The following GPR158 variants were observed in gnomAD, a reference collection of about 807,000 sequenced individuals.
GPR158 encodes G protein-coupled receptor 158, also known as metabotropic glycine receptor.
GPR158 carries 30 observed loss-of-function variants against 78.2 expected under a neutral mutation model. The observed-to-expected ratio is 0.38, with a 90% CI of 0.29 to 0.52. The LOEUF (loss-of-function observed/expected upper bound fraction) is 0.52. GPR158 is among the 20% of genes least tolerant of loss of function. The pLI is 0.83. For synonymous variants in GPR158, 581 were observed against 591.1 expected (o/e 0.98, Z 0.25); for missense variants, 1,463 against 1,523.5 (o/e 0.96, Z 0.66).
intron 2 of GPR158, among the ~76,000 whole-genome samples, chr10:25,345,631 C>A (rs1855362058): frequency 6.6e-6 from 1 of 151,912 alleles, no homozygotes; most frequent in Non-Finnish European, 1.5e-5. Flanking sequence ...TGCTATAAAT[C>A]AACTTGTTTT....
At chr10:25,579,634 G>T (rs12358479) in intron 7 of GPR158, among the ~76,000 whole-genome samples, 2 of 152,110 alleles carry the variant, frequency 1.3e-5, no homozygotes, top group South Asian at 2.1e-4. Flanking sequence ...CAACAAGACC[G>T]CAAAAAAGTA....
At chr10:25,457,898 T>A (rs543012579) in intron 4 of GPR158, among the ~76,000 whole-genome samples, 30 of 152,314 alleles carry the variant, frequency 2.0e-4, no homozygotes, top group African/African-American at 6.7e-4. Context: ...GCAAAATGAA[T>A]TGACAAGCAT....
At chr10:25,199,041 A>G (rs1232347590) in intron 1 of GPR158, among the ~76,000 whole-genome samples, 2 of 138,494 alleles carry the variant, frequency 1.4e-5, no homozygotes, top group African/African-American at 5.5e-5. Flanking sequence ...AGTTTTAGAA[A>G]TAATCATTTG....
chr10:25,487,674 T>G (rs1835752800), intron 5 of GPR158, among the ~76,000 whole-genome samples: 1 of 152,140 alleles, frequency 6.6e-6, no homozygotes, highest in Non-Finnish European at 1.5e-5. Context: ...GGAGAGTAAA[T>G]GACTTTATGC....
rs112234767 is a variant in GPR158, at chr10:25,354,884, T to A, written c.1009-41027T>A. Among the ~76,000 whole-genome samples the A allele has an allele frequency of 6.4e-3, 978 of 152,140 alleles. 10 individuals carry two copies. Among genetic ancestry groups the A allele is most frequent in the African/African-American group, 0.022 (914 of 41,532 alleles). On this transcript the variant is annotated intron_variant, in intron 2 of 10. Coordinates refer to ENST00000376351, the MANE Select transcript of GPR158 (RefSeq NM_020752.3). ...CATCACTTTGAAAATGTTGCCCCAC[T>A]CCCTCCTGGTCTTTATGGTTTCTAT...
At chr10:25,355,229 T>C (rs1855532583) in intron 2 of GPR158, among the ~76,000 whole-genome samples, 1 of 134,924 alleles carries the variant, frequency 7.4e-6, no homozygotes, top group South Asian at 2.1e-4. Flanking sequence ...TTTTTTTCCT[T>C]TTTCTCCTCT....
At chr10:25,209,496 A>C (rs1007903678) in intron 1 of GPR158, among the ~76,000 whole-genome samples, 1 of 152,018 alleles carries the variant, frequency 6.6e-6, no homozygotes, top group African/African-American at 2.4e-5. Context: ...TCTTTTAAAG[A>C]GTGATATCCT....
At chr10:25,223,544 A>G (rs867026488) in intron 2 of GPR158, among the ~76,000 whole-genome samples, 41 of 152,268 alleles carry the variant, frequency 2.7e-4, no homozygotes, top group African/African-American at 9.9e-4. Flanking sequence ...TTCCTTTCCC[A>G]TAGGGATGTG....
chr10:25,410,337 A>C (rs796723749), intron 3 of GPR158, among the ~76,000 whole-genome samples: 17 of 152,158 alleles, frequency 1.1e-4, no homozygotes, highest in African/African-American at 3.4e-4. Context: ...AACAATCTCA[A>C]CCAGGTGCGG....
chr10:25,320,362 G>A (rs1854930286), intron 2 of GPR158, among the ~76,000 whole-genome samples: 1 of 152,154 alleles, frequency 6.6e-6, no homozygotes. Context: ...ATTCATTAAG[G>A]AGCCAGGCAC....
chr10:25,265,157 T>C (rs1043183843), intron 2 of GPR158, among the ~76,000 whole-genome samples: 22 of 152,156 alleles, frequency 1.4e-4, no homozygotes, highest in South Asian at 4.1e-4. Context: ...ACTCTTTCCC[T>C]TCTAAGTCCA....
chr10:25,395,463 A>G (rs1160590561), intron 2 of GPR158, among the ~76,000 whole-genome samples: 2 of 152,052 alleles, frequency 1.3e-5, no homozygotes, highest in African/African-American at 4.8e-5. Flanking sequence ...CATAAAAGCA[A>G]TTTTCACATC....
At position 25,175,491 on chromosome 10, in the gene GPR158, C is replaced by T. The variant is rs749355440; in HGVS notation, c.71C>T (p.Ala24Val). Residue 24 changes from alanine to valine, a missense_variant, in exon 1 of 11, where the codon GCC becomes GTC. By Grantham distance (64) the Ala-to-Val change is moderately conservative (BLOSUM62 0). Transcript: ENST00000376351. The surrounding 1 kb of genome is among the most constrained non-coding windows in gnomAD (Gnocchi z 6.4). ...LAQLGLGAVG[A>V]SRDPQGRPDS... ...CAGCTGGGATTGGGAGCTGTTGGCG[C>T]CAGCCGCGACCCCCAAGGACGGCCG... 2 of 1,611,402 alleles carry T rather than the reference C, an allele frequency of 1.2e-6. No homozygotes were observed. The highest frequency in any genetic ancestry group is 2.7e-5 in the African/African-American group (2 of 74,896).
At chr10:25,285,009 T>C (rs1433112153) in intron 2 of GPR158, among the ~76,000 whole-genome samples, 3 of 152,092 alleles carry the variant, frequency 2.0e-5, no homozygotes, top group East Asian at 3.9e-4. Context: ...TTAGATAATA[T>C]ACAAATAAAA....
chr10:25,578,614 TAAAA>T (rs981227024), intron 7 of GPR158, among the ~76,000 whole-genome samples: 1 of 152,300 alleles, frequency 6.6e-6, no homozygotes, highest in South Asian at 2.1e-4. Context: ...AACTATAACT[TAAAA>T]AAGATTACAT....
At chr10:25,400,911 G>A (rs1017446067) in intron 3 of GPR158, among the ~76,000 whole-genome samples, 1 of 152,060 alleles carries the variant, frequency 6.6e-6, no homozygotes, top group Non-Finnish European at 1.5e-5. Context: ...AGATGCGACG[G>A]GAGGAAAAAA....
At chr10:25,349,952 GAAT>G (rs1454529012) in intron 2 of GPR158, among the ~76,000 whole-genome samples, 1 of 151,990 alleles carries the variant, frequency 6.6e-6, no homozygotes, top group African/African-American at 2.4e-5. Flanking sequence ...TCTGCTAGTG[GAAT>G]AATGTTATGG....
chr10:25,307,179 T>C (rs1854689330), intron 2 of GPR158, among the ~76,000 whole-genome samples: 1 of 152,128 alleles, frequency 6.6e-6, no homozygotes, highest in Non-Finnish European at 1.5e-5. Flanking sequence ...GGTAGTCTTA[T>C]AGTTTGAGCA....
chr10:25,533,562 C>T (rs111700753), intron 5 of GPR158, among the ~76,000 whole-genome samples: 384 of 152,190 alleles, frequency 2.5e-3, no homozygotes, highest in Non-Finnish European at 4.1e-3. Flanking sequence ...ATGAATTATT[C>T]GGTTTAAAAC....
Sources: gnomAD v4.1 joint callset for allele counts (sites outside exome capture counted in the v4.1 genomes callset) on GRCh38, gnomAD v4.1.1 for gene constraint, Gnocchi (gnomAD v3.1) non-coding constraint, MANE v1.5 for transcripts, NCBI Gene and HGNC (gene_info 2026-07-23, HGNC 2026-07-21) for gene names.